PLCH2: variants seen among roughly 807,000 people sequenced by gnomAD.
PLCH2 encodes 1-phosphatidylinositol 4,5-bisphosphate phosphodiesterase eta-2.
In PLCH2, 98 loss-of-function variants were observed where a neutral mutation model predicts 134.7. That is an observed-to-expected ratio of 0.73 (90% CI 0.62 to 0.86). The LOEUF (loss-of-function observed/expected upper bound fraction) is 0.86. PLCH2 is among the 40% of genes least tolerant of loss of function. The pLI is 0.00. For synonymous variants in PLCH2, 974 were observed against 827.5 expected, an observed-to-expected ratio of 1.18 and a Z score of -3.04; for missense variants, 1,994 against 1,986.6, an observed-to-expected ratio of 1.00 and a Z score of -0.07.
chr1:2,496,569 T>G, intron 13 of PLCH2, 38 bp from the exon 14 acceptor site: 1 of 1,556,152 alleles, frequency 6.4e-7, no homozygotes, highest in Non-Finnish European at 8.8e-7. Flanking sequence ...AGGCTGGCCC[T>G]GGACGGGAGG....
intron 2 of PLCH2, among the ~76,000 whole-genome samples, chr1:2,452,393 G>T (rs922988542): frequency 7.9e-5 from 12 of 152,194 alleles, no homozygotes; most frequent in South Asian, 2.1e-4. Flanking sequence ...CCCGTGGAGG[G>T]GGGCCTATCT....
In PLCH2 at chr1:2,505,192, C is replaced by A; in HGVS notation, c.4230C>A (p.Asn1410Lys). ...GGCCAGCATCCGCGGCTGCTGAAAA[C>A]CTGGTCCTGCTCCGCCTCTGACCGT... ...ALGPASAAAENLVLLRL is the reference protein window; with the variant it reads ...ALGPASAAAEKLVLLRL The change falls in exon 22 of 22, where the codon AAC (asparagine) becomes AAA (lysine). Residue 1410 changes from asparagine (N) to lysine (K), a missense_variant. Coordinates refer to ENST00000378486, the MANE Select transcript of PLCH2 (RefSeq NM_014638.4). 5 of 1,572,070 alleles carry A rather than the reference C, an allele frequency of 3.2e-6. No individual in the cohort carries two copies. Among genetic ancestry groups the A allele is most frequent in the Non-Finnish European group, 3.4e-6 (4 of 1,168,944 alleles).
chr1:2,473,765 G>A (rs1641462923), upstream of PLCH2, among the ~76,000 whole-genome samples: 1 of 152,242 alleles, frequency 6.6e-6, no homozygotes, highest in South Asian at 2.1e-4. Flanking sequence ...CCACTGTGCT[G>A]TGCAGGGACC....
rs1296936292 is a variant in PLCH2, at chr1:2,499,074, G to A, written c.2435-10G>A. 2 of 1,605,948 alleles carry A rather than the reference G, an allele frequency of 1.2e-6. No individual in the cohort carries two copies. The highest frequency in any genetic ancestry group is 3.4e-5 in the Admixed American group (2 of 59,102). ...CCCATGGGACACTCCTCCTGGCGCT[G>A]CTTCCCCAGGGTTCAACCCCACCTG... is the stretch of plus-strand genomic sequence containing the variant. On this transcript the variant is annotated splice_polypyrimidine_tract_variant and intron_variant, in intron 18 of 21. Coordinates refer to ENST00000378486, the MANE Select transcript of PLCH2 (RefSeq NM_014638.4).
chr1:2,504,964 T>C lies in PLCH2; in HGVS notation c.4002T>C (p.Phe1334=). 6.4e-7 allele frequency: 1 copy of C among 1,554,136 alleles called. No homozygotes were observed. Among genetic ancestry groups the C allele is most frequent in the Non-Finnish European group, 8.7e-7 (1 of 1,151,864 alleles). ...AGEGVAGGPG[F]VRRSSSRSHS... is the part of the protein sequence containing the mutation. The stretch of plus-strand genomic sequence containing the variant: ...AGGGGGTGGCAGGGGGCCCTGGTTT[T>C]GTGCGGCGCTCCTCCTCCCGCAGCC... The change falls in exon 22 of 22, where the codon TTT becomes TTC. Residue 1334 remains phenylalanine, a synonymous_variant. Coordinates refer to ENST00000378486, the MANE Select transcript of PLCH2 (RefSeq NM_014638.4).
At position 2,489,057 on chromosome 1, in the gene PLCH2, A is replaced by G. The variant is rs912751501; in HGVS notation, c.1236-150A>G. 7 of 688,862 alleles carry G rather than the reference A, an allele frequency of 1.0e-5. No homozygotes were observed. In the African/African-American group the frequency reaches 1.3e-4, roughly 12 times the overall value. The allele number at this position is 688,862 out of a possible 1,614,324, so 42.7% of individuals were successfully genotyped here. On this transcript the variant is annotated intron_variant, in intron 8 of 21. Transcript: ENST00000378486. Reference sequence around the variant, plus strand: ...GCCATTGACGGGTGGGCCACCTCCCAGAGCTGCTGGTAATCCCAGCTATCC... The same window carrying G: ...GCCATTGACGGGTGGGCCACCTCCCGGAGCTGCTGGTAATCCCAGCTATCC...
the PLCH2 span, among the ~76,000 whole-genome samples, chr1:2,415,997 G>A: frequency 6.6e-6 from 1 of 152,216 alleles, no homozygotes; most frequent in African/African-American, 2.4e-5. Context: ...GAGGGAGCTC[G>A]GGGTGCAGCC....
Position 2,504,183 on chromosome 1 carries a change from G to A in PLCH2, c.3221G>A (p.Ser1074Asn). Reference sequence around the variant, plus strand: ...GGGGCATACGAGAGGGCCCCCGGCAGCCAGACGGACGGCAGGAGCCAGCCC... The same window carrying A: ...GGGGCATACGAGAGGGCCCCCGGCAACCAGACGGACGGCAGGAGCCAGCCC... ...AGGAYERAPG[S>N]QTDGRSQPRT... Residue 1074 changes from serine (S) to asparagine (N), a missense_variant, in exon 22 of 22, where the codon AGC becomes AAC. This residue lies in a region of PLCH2 where 900 missense variants were observed against 752.3 expected (regional missense o/e 1.20). Coordinates refer to ENST00000378486, the MANE Select transcript of PLCH2 (RefSeq NM_014638.4). The A allele has an allele frequency of 6.5e-7, 1 of 1,542,342 alleles. No individual in the cohort carries two copies. The highest frequency in any genetic ancestry group is 8.7e-7 in the Non-Finnish European group (1 of 1,145,154).
chr1:2,484,132 G>C (rs1015444568), intron 4 of PLCH2, among the ~76,000 whole-genome samples: 1 of 152,126 alleles, frequency 6.6e-6, no homozygotes, highest in Non-Finnish European at 1.5e-5. Context: ...GTTGACTCCC[G>C]TATGGGTGAT....
intron 13 of PLCH2, 60 bp downstream of exon 13, chr1:2,495,630 C>A: frequency 1.6e-6 from 2 of 1,271,570 alleles, no homozygotes; most frequent in Non-Finnish European, 2.2e-6. Flanking sequence ...CCCAACCGGG[C>A]CCTTCTCTGC....
rs1378858096 is a variant in PLCH2 at position 2,504,206 on chromosome 1, C to A, written c.3244C>A (p.Pro1082Thr). ...PGSQTDGRSQ[P>T]RTLGHLPVIR... The stretch of plus-strand genomic sequence containing the variant: ...CAGCCAGACGGACGGCAGGAGCCAG[C>A]CCCGGACCCTGGGCCACCTGCCCGT... The change falls in exon 22 of 22, where the codon CCC (proline) becomes ACC (threonine). Residue 1082 changes from proline (P) to threonine (T), a missense_variant. Coordinates refer to ENST00000378486, the MANE Select transcript of PLCH2 (RefSeq NM_014638.4). The A allele has an allele frequency of 6.4e-7, 1 of 1,555,868 alleles. No individual in the cohort carries two copies. Among genetic ancestry groups the A allele is most frequent in the East Asian group, 2.4e-5 (1 of 41,354 alleles).
At chr1:2,427,995 G>A (rs1387189916) in intron 1 of PLCH2, among the ~76,000 whole-genome samples, 1 of 152,200 alleles carries the variant, frequency 6.6e-6, no homozygotes, top group Non-Finnish European at 1.5e-5. Flanking sequence ...CTGCCTAGAG[G>A]AAGATCTGCT....
chr1:2,491,850 G>A (rs1642602276), intron 11 of PLCH2, among the ~76,000 whole-genome samples: 2 of 152,026 alleles, frequency 1.3e-5, no homozygotes, highest in Admixed American at 1.3e-4. Context: ...CCTCCACAGG[G>A]TGACAGTGCT....
At chr1:2,475,627 G>A (rs886084503), upstream of PLCH2, among the ~76,000 whole-genome samples, 1 of 152,222 alleles carries the variant, frequency 6.6e-6, no homozygotes, top group Admixed American at 6.5e-5. Flanking sequence ...CCCTGTCCAG[G>A]TCAGATGGCT....
upstream of PLCH2, among the ~76,000 whole-genome samples, chr1:2,474,977 T>C (rs1023242543): frequency 6.6e-6 from 1 of 152,196 alleles, no homozygotes; most frequent in Admixed American, 6.5e-5. Context: ...CTGCAGCTCA[T>C]GGCTCCCTAA....
intron 19 of PLCH2, 71 bp downstream of exon 19, chr1:2,499,301 C>G: frequency 6.4e-7 from 1 of 1,551,972 alleles, no homozygotes; most frequent in Non-Finnish European, 8.8e-7. Flanking sequence ...ACTCTTTCCC[C>G]TGTGAGTCAG....
chr1:2,461,332 T>C (rs79944845), intron 2 of PLCH2, among the ~76,000 whole-genome samples: 3,529 of 152,276 alleles, frequency 0.023, 141 homozygotes, highest in African/African-American at 0.08. Context: ...GCCAGGGCCC[T>C]TCTGGTGGTG....
rs913630244 is a variant in PLCH2, at chr1:2,502,163, G to A, written c.2713G>A (p.Gly905Ser). ...KGLFLRGPKP[G>S]SLDSHAAGRP... ...CCTCTTCCTCCGAGGCCCAAAGCCC[G>A]GCTCGCTGGACAGTCATGCTGCTGG... is the stretch of plus-strand genomic sequence containing the variant. The change falls in exon 21 of 22, where the codon GGC becomes AGC. Residue 905 changes from glycine (G) to serine (S), a missense_variant. Coordinates refer to ENST00000378486, the MANE Select transcript of PLCH2 (RefSeq NM_014638.4). 31 of 1,502,282 alleles carry A rather than the reference G, an allele frequency of 2.1e-5. No homozygotes were observed. The highest frequency in any genetic ancestry group is 1.9e-4 in the Admixed American group (8 of 42,560). 93.1% of individuals were successfully genotyped at this position (1,502,282 alleles called of 1,614,324 possible). A position where few individuals can be genotyped will look rare whatever the true frequency, so the allele number is the denominator to read the frequency against.
At chr1:2,497,702 G>T in intron 16 of PLCH2, 93 bp downstream of exon 16, 1 of 894,180 alleles carries the variant, frequency 1.1e-6, no homozygotes, top group Non-Finnish European at 1.7e-6. Flanking sequence ...CCACAGGCTA[G>T]CAAGGGGGTG....
Sources: allele counts gnomAD v4.1 joint callset (sites outside exome capture counted in the v4.1 genomes callset), GRCh38; gene constraint gnomAD v4.1.1; regional missense constraint gnomAD v4.1.1; transcripts MANE v1.5; gene names NCBI Gene and HGNC (gene_info 2026-07-23, HGNC 2026-07-21).